Variants in CTNNA2 observed in about 807,000 individuals in gnomAD.
CTNNA2 encodes catenin alpha-2.
CTNNA2 carries 42 observed loss-of-function variants against 101.0 expected under a neutral mutation model. The ratio of observed to expected loss-of-function variants is 0.42; its 90% confidence interval spans 0.32 to 0.54. CTNNA2 has a LOEUF of 0.54. Ranked by LOEUF, CTNNA2 falls within the 20% of genes least tolerant of loss-of-function variation. The pLI, the probability that CTNNA2 is intolerant of heterozygous loss-of-function variation, is 0.14. For missense variants in CTNNA2, 871 were observed against 1,223.1 expected (o/e 0.71, Z 4.29); for synonymous variants, 450 against 456.4 (o/e 0.99, Z 0.18).
chr2:80,565,419 G>C (rs968054623), intron 12 of CTNNA2, among the ~76,000 whole-genome samples: 1 of 152,092 alleles, frequency 6.6e-6, no homozygotes, highest in Non-Finnish European at 1.5e-5. Context: ...GGGGAGAGAA[G>C]GGCATAGAAC....
chr2:79,326,470 T>C (rs533941765), intron 3 of CTNNA2, among the ~76,000 whole-genome samples: 2 of 152,276 alleles, frequency 1.3e-5, no homozygotes, highest in African/African-American at 4.8e-5. Flanking sequence ...CCTAGGTTTT[T>C]TTTAAATCTA....
intron 7 of CTNNA2, among the ~76,000 whole-genome samples, chr2:80,087,105 A>G (rs1213054332): frequency 6.6e-6 from 1 of 152,022 alleles, no homozygotes; most frequent in East Asian, 1.9e-4. Flanking sequence ...GATAGTAACA[A>G]TTGTTAGGCC....
At chr2:79,432,562 AAGT>A (rs1409137288) in intron 4 of CTNNA2, among the ~76,000 whole-genome samples, 1 of 152,194 alleles carries the variant, frequency 6.6e-6, no homozygotes, top group South Asian at 2.1e-4. Context: ...GCCTTAAAGA[AAGT>A]ACTGCATCCT....
chr2:80,373,067 C>T (rs1390900647), intron 7 of CTNNA2, among the ~76,000 whole-genome samples: 1 of 152,160 alleles, frequency 6.6e-6, no homozygotes, highest in Non-Finnish European at 1.5e-5. Flanking sequence ...ATTGTGTTGC[C>T]ATGGCCCAGT....
intron 3 of CTNNA2, among the ~76,000 whole-genome samples, chr2:79,849,255 A>C: frequency 6.6e-6 from 1 of 151,818 alleles, no homozygotes; most frequent in Non-Finnish European, 1.5e-5. Flanking sequence ...TTATTTTATA[A>C]TATTTACATA....
chr2:79,841,012 G>A (rs1387971913), intron 3 of CTNNA2, among the ~76,000 whole-genome samples: 7 of 151,958 alleles, frequency 4.6e-5, no homozygotes, highest in African/African-American at 1.5e-4. Context: ...CTCGTGATCC[G>A]CCCGCCTCGG....
chr2:79,384,486 A>G (rs1317199074), intron 4 of CTNNA2, among the ~76,000 whole-genome samples: 1 of 149,294 alleles, frequency 6.7e-6, no homozygotes, highest in Non-Finnish European at 1.5e-5. Context: ...ACCAACTAGG[A>G]TGTCAAGCAC....
intron 7 of CTNNA2, among the ~76,000 whole-genome samples, chr2:80,146,255 T>C (rs554609895): frequency 6.6e-6 from 1 of 152,358 alleles, no homozygotes; most frequent in South Asian, 2.1e-4. Flanking sequence ...ATAGATTAGC[T>C]GTCCCTGGCG....
At chr2:80,563,457 G>A (rs932469317) in intron 12 of CTNNA2, among the ~76,000 whole-genome samples, 12 of 152,204 alleles carry the variant, frequency 7.9e-5, no homozygotes, top group Admixed American at 1.3e-4. Flanking sequence ...GCATGTAGCC[G>A]GAGGGCCTGA....
chr2:79,446,563 G>A (rs1256895628), intron 4 of CTNNA2, among the ~76,000 whole-genome samples: 1 of 152,008 alleles, frequency 6.6e-6, no homozygotes, highest in Non-Finnish European at 1.5e-5. Context: ...TTAACTACTT[G>A]CCAAGGCTGC....
chr2:79,591,857 T>G (rs1323862020), intron 1 of CTNNA2, among the ~76,000 whole-genome samples: 1 of 152,084 alleles, frequency 6.6e-6, no homozygotes, highest in African/African-American at 2.4e-5. Flanking sequence ...GCACCTGATT[T>G]GTTATTTTGG....
At chr2:79,458,754 C>T (rs1670850053) in intron 4 of CTNNA2, among the ~76,000 whole-genome samples, 1 of 152,272 alleles carries the variant, frequency 6.6e-6, no homozygotes, top group Admixed American at 6.5e-5. Flanking sequence ...TATTTTCCAT[C>T]TCACACCATG....
intron 3 of CTNNA2, among the ~76,000 whole-genome samples, chr2:79,749,668 G>T (rs1453577650): frequency 6.6e-6 from 1 of 152,148 alleles, no homozygotes; most frequent in African/African-American, 2.4e-5. Flanking sequence ...TGGCAGTTTG[G>T]CTAAGATATC....
chr2:79,695,704 G>A (rs1044097703), intron 2 of CTNNA2, among the ~76,000 whole-genome samples: 2 of 151,928 alleles, frequency 1.3e-5, no homozygotes. Context: ...CAAAAAAGGA[G>A]GGGCAGCATG....
At chr2:79,915,119 G>A (rs1686101660) in intron 7 of CTNNA2, among the ~76,000 whole-genome samples, 4 of 151,756 alleles carry the variant, frequency 2.6e-5, no homozygotes, top group Non-Finnish European at 2.9e-5. Context: ...CCAGGGCCAC[G>A]AGATCTCTAA....
intron 3 of CTNNA2, among the ~76,000 whole-genome samples, chr2:79,813,818 A>G (rs1376515614): frequency 6.6e-6 from 1 of 152,230 alleles, no homozygotes; most frequent in Non-Finnish European, 1.5e-5. Context: ...TAGAGTTTGC[A>G]TGACAATGAT....
chr2:80,187,066 C>G (rs1377215774), intron 7 of CTNNA2, among the ~76,000 whole-genome samples: 1 of 152,212 alleles, frequency 6.6e-6, no homozygotes, highest in Admixed American at 6.5e-5. Flanking sequence ...TGAAGGTGAG[C>G]AGATGTTTCC....
chr2:79,687,581 C>A (rs1464884724), intron 2 of CTNNA2: 4 of 703,616 alleles, frequency 5.7e-6, no homozygotes, highest in Non-Finnish European at 1.1e-5. Context: ...TTTTTTCCAC[C>A]GGATATTTCA....
At chr2:80,019,623 C>T (rs937099706) in intron 7 of CTNNA2, among the ~76,000 whole-genome samples, 2 of 152,240 alleles carry the variant, frequency 1.3e-5, no homozygotes, top group Middle Eastern at 3.4e-3. Flanking sequence ...CTTGTCAGGC[C>T]ATTTACTTTT....
Sources: allele counts gnomAD v4.1 joint callset (sites outside exome capture counted in the v4.1 genomes callset), GRCh38; gene constraint gnomAD v4.1.1; transcripts MANE v1.5; gene names NCBI Gene and HGNC (gene_info 2026-07-23, HGNC 2026-07-21).